THSD4: variants seen among roughly 807,000 people sequenced by gnomAD.
THSD4 encodes the protein thrombospondin type-1 domain-containing protein 4.
Under a neutral mutation model 119.0 loss-of-function variants are expected in THSD4, and 69 were observed. The observed-to-expected ratio is 0.58, with a 90% confidence interval of 0.48 to 0.71. The LOEUF (loss-of-function observed/expected upper bound fraction) is 0.71, where lower values mean the gene tolerates loss of function less well. THSD4 is among the 30% of genes least tolerant of loss of function. The probability of loss-of-function intolerance (pLI) is 0.00; values close to 1 mark genes in which losing one functional copy is unlikely to be tolerated. For missense variants in THSD4, 1,393 were observed against 1,391.1 expected (o/e 1.00, Z -0.02); for synonymous variants, 524 against 540.4 (o/e 0.97, Z 0.42).
chr15:71,200,564 C>T (rs1227782195), intron 3 of THSD4, among the ~76,000 whole-genome samples: 1 of 152,084 alleles, frequency 6.6e-6, no homozygotes, highest in African/African-American at 2.4e-5. Flanking sequence ...AGGTCTTGGG[C>T]TAAATATCAA....
intron 6 of THSD4, among the ~76,000 whole-genome samples, chr15:71,291,483 G>C (rs558736452): frequency 6.6e-6 from 1 of 152,282 alleles, no homozygotes; most frequent in African/African-American, 2.4e-5. Flanking sequence ...CAAGTCTGAA[G>C]GCAGGAAGAG....
intron 6 of THSD4, among the ~76,000 whole-genome samples, chr15:71,365,973 T>TA (rs1205098648): frequency 1.1e-4 from 17 of 152,216 alleles, no homozygotes; most frequent in Non-Finnish European, 2.4e-4. Flanking sequence ...CTCCCCTCTC[T>TA]AAACTAGAAC....
chr15:71,105,117 G>A (rs939528383), intron 1 of THSD4, among the ~76,000 whole-genome samples: 2 of 152,130 alleles, frequency 1.3e-5, no homozygotes, highest in African/African-American at 4.8e-5. Context: ...TTAGCCAAGA[G>A]GGGGTCTGTT....
chr15:71,259,493 CA>C (rs1895850215), intron 6 of THSD4, among the ~76,000 whole-genome samples: 1 of 152,132 alleles, frequency 6.6e-6, no homozygotes, highest in Admixed American at 6.5e-5. Flanking sequence ...GAGTTTGCTC[CA>C]GCTGATAGTA....
At chr15:71,730,162 T>A (rs566104947) in intron 9 of THSD4, 2 of 152,372 alleles carry the variant, frequency 1.3e-5, no homozygotes, top group Admixed American at 1.3e-4. Flanking sequence ...GATTCTAACC[T>A]CTTCCTTCCC....
intron 7 of THSD4, among the ~76,000 whole-genome samples, chr15:71,497,518 C>CA (rs148225271): frequency 0.43 from 63,302 of 148,394 alleles, 16,122 homozygotes; most frequent in East Asian, 0.78. Context: ...ATCTCAAAAA[C>CA]AAAAAAAAAG....
At chr15:71,666,355 C>A (rs1191880354) in intron 8 of THSD4, among the ~76,000 whole-genome samples, 1 of 152,028 alleles carries the variant, frequency 6.6e-6, no homozygotes, top group African/African-American at 2.4e-5. Context: ...GGTACAAGTG[C>A]AGGTTTGTTA....
At chr15:71,716,561 G>GGGGTGTGTGTGTGTGT (rs1555445094) in intron 8 of THSD4, among the ~76,000 whole-genome samples, 1 of 144,564 alleles carries the variant, frequency 6.9e-6, no homozygotes, top group Non-Finnish European at 1.5e-5. Flanking sequence ...TAGAGTGTGG[G>GGGGTGTGTGTGTGTGT]GTGTGTGTGT....
At chr15:71,507,544 C>T (rs2048209168) in intron 7 of THSD4, among the ~76,000 whole-genome samples, 2 of 152,218 alleles carry the variant, frequency 1.3e-5, no homozygotes, top group African/African-American at 4.8e-5. Context: ...GGAGACACTG[C>T]TCCCCGCATT....
intron 6 of THSD4, among the ~76,000 whole-genome samples, chr15:71,333,752 G>A (rs147659546): frequency 3.7e-4 from 56 of 152,246 alleles, no homozygotes; most frequent in African/African-American, 1.1e-3. Flanking sequence ...TAAAGGCAGC[G>A]TCTGCATCAA....
rs185590496 is a variant in THSD4, at chr15:71,270,013, T to C, written c.1015+13298T>C. Among the ~76,000 whole-genome samples, 408 of 152,242 alleles carry C rather than the reference T, an allele frequency of 2.7e-3. 2 individuals carry two copies. The highest frequency in any genetic ancestry group is 4.8e-3 in the Admixed American group (74 of 15,302). On this transcript the variant is annotated intron_variant, in intron 6 of 17. Coordinates refer to ENST00000261862, the MANE Select transcript of THSD4 (RefSeq NM_024817.3). ...ATAGGAAACATCAATATTGTGAAAA[T>C]GACCATACTGCCCAAAGTGATTTAT...
chr15:71,234,820 A>C (rs1388398095), intron 4 of THSD4, among the ~76,000 whole-genome samples: 1 of 152,160 alleles, frequency 6.6e-6, no homozygotes, highest in African/African-American at 2.4e-5. Context: ...TCACTCTAGA[A>C]GAACTGTGTG....
At chr15:71,470,492 T>C (rs183142888) in intron 7 of THSD4, among the ~76,000 whole-genome samples, 87 of 152,372 alleles carry the variant, frequency 5.7e-4, no homozygotes, top group South Asian at 3.1e-3. Context: ...ATTTTATGTC[T>C]ATTAATTCAT....
intron 12 of THSD4, 62 bp downstream of exon 12, chr15:71,745,297 G>A: frequency 1.3e-6 from 2 of 1,584,402 alleles, no homozygotes; most frequent in Non-Finnish European, 1.7e-6. Flanking sequence ...CTTATGCACA[G>A]GACCTTAGGA....
chr15:71,323,031 A>G (rs919397372), intron 6 of THSD4, among the ~76,000 whole-genome samples: 2 of 139,260 alleles, frequency 1.4e-5, no homozygotes, highest in Non-Finnish European at 3.1e-5. Flanking sequence ...TGGGAGGTTG[A>G]GGCTGCAGTG....
intron 1 of THSD4, among the ~76,000 whole-genome samples, chr15:71,123,985 A>G (rs2040431825): frequency 6.6e-6 from 1 of 151,804 alleles, no homozygotes; most frequent in Admixed American, 6.6e-5. Context: ...TAAATTACCC[A>G]CTTGGTATCT....
rs372326985 is a variant in THSD4, at chr15:71,272,532, AG to A, written c.1015+15820del. Among the ~76,000 whole-genome samples, 39 of 152,222 alleles carry A rather than the reference AG, an allele frequency of 2.6e-4. 1 individual carries two copies. The South Asian group carries it at 7.9e-3, about 31-fold the overall frequency. Reference sequence around the variant, plus strand: ...AAAATGCTCGATACCACTAATCAGCAGGGAAATACAAATTAAAACTACAATA... The same window carrying A: ...AAAATGCTCGATACCACTAATCAGCAGGAAATACAAATTAAAACTACAATA... On this transcript the variant is annotated intron_variant, in intron 6 of 17. Coordinates refer to ENST00000261862, the MANE Select transcript of THSD4 (RefSeq NM_024817.3).
chr15:71,214,709 T>C (rs1205955181), intron 3 of THSD4, among the ~76,000 whole-genome samples: 1 of 152,176 alleles, frequency 6.6e-6, no homozygotes, highest in Non-Finnish European at 1.5e-5. Context: ...CCTTGCAGTT[T>C]ATGGGAAGTC....
At chr15:71,332,310 T>G (rs1399082018) in intron 6 of THSD4, among the ~76,000 whole-genome samples, 1 of 152,186 alleles carries the variant, frequency 6.6e-6, no homozygotes, top group African/African-American at 2.4e-5. Flanking sequence ...GAGCATTGAT[T>G]CTCATGGGTA....
Sources: allele counts gnomAD v4.1 joint callset (sites outside exome capture counted in the v4.1 genomes callset), GRCh38; gene constraint gnomAD v4.1.1; transcripts MANE v1.5; gene names NCBI Gene and HGNC (gene_info 2026-07-23, HGNC 2026-07-21).